Variants in NTRK2 observed in about 807,000 individuals in gnomAD.
NTRK2 encodes the protein BDNF/NT-3 growth factors receptor.
NTRK2 carries 13 observed loss-of-function variants against 94.5 expected under a neutral mutation model. That is an observed-to-expected ratio of 0.14 (90% CI 0.09 to 0.22). The LOEUF (loss-of-function observed/expected upper bound fraction) is 0.22. NTRK2 is among the 10% of genes least tolerant of loss of function. The pLI, the probability that NTRK2 is intolerant of heterozygous loss-of-function variation, is 1.00. For synonymous variants in NTRK2, 372 were observed against 407.4 expected (o/e 0.91, Z 1.05); for missense variants, 639 against 1,071.2 (o/e 0.60, Z 5.63).
Position 84,878,041 on chromosome 9 carries a change from C to T in NTRK2, c.1633+10610C>T, listed in dbSNP as rs528736884. 14 of 674,026 alleles carry T rather than the reference C, an allele frequency of 2.1e-5. No individual in the cohort carries two copies. The South Asian group carries it at 2.7e-4, about 13-fold the overall frequency. The allele number at this position is 674,026 out of a possible 1,614,324, so 41.8% of individuals were successfully genotyped here. Reference sequence around the variant, plus strand: ...CGCATTGGTTCCCCAGTTGCCCCCACATAGCCTCTCTGGGTTTTCTCGAAG... The same window carrying T: ...CGCATTGGTTCCCCAGTTGCCCCCATATAGCCTCTCTGGGTTTTCTCGAAG... On this transcript the variant is annotated intron_variant, in intron 14 of 18. Transcript: ENST00000277120.
rs894313823 is a variant in NTRK2, at chr9:85,026,014, A to G, written c.*4577A>G. ...TGCTGCTCAAGTCAAAGGTTCTTGA[A>G]TATCCTTAGTTTTTGCATTTCCCCT... On this transcript the variant is annotated 3_prime_UTR_variant, in exon 19 of 19. Coordinates refer to ENST00000277120, the MANE Select transcript of NTRK2 (RefSeq NM_006180.6). 7 of 231,772 alleles carry G rather than the reference A, an allele frequency of 3.0e-5. No homozygotes were observed. The highest frequency in any genetic ancestry group is 5.6e-5 in the Admixed American group (1 of 17,734). 14.4% of individuals were successfully genotyped at this position (231,772 alleles called of 1,614,324 possible).
chr9:84,761,096 C>T (rs1409750189), intron 12 of NTRK2, among the ~76,000 whole-genome samples: 1 of 152,200 alleles, frequency 6.6e-6, no homozygotes, highest in African/African-American at 2.4e-5. Flanking sequence ...AAAGCAGAAA[C>T]ACATTGGCCT....
chr9:84,767,776 C>G (rs1479214254), intron 12 of NTRK2, among the ~76,000 whole-genome samples: 3 of 152,216 alleles, frequency 2.0e-5, no homozygotes, highest in Non-Finnish European at 4.4e-5. Context: ...TGTCTTCTAC[C>G]TCTTTTCCCC....
At chr9:84,704,225 C>CT (rs773413015) in intron 4 of NTRK2, among the ~76,000 whole-genome samples, 46,977 of 93,866 alleles carry the variant, frequency 0.5, 13,920 homozygotes, top group East Asian at 0.62. Flanking sequence ...TGGTGGTATT[C>CT]TTTTTTTTTT....
At chr9:84,940,093 G>A (rs1404192197) in intron 15 of NTRK2, among the ~76,000 whole-genome samples, 1 of 152,074 alleles carries the variant, frequency 6.6e-6, no homozygotes, top group African/African-American at 2.4e-5. Flanking sequence ...TCCAGGCCTG[G>A]GTCACATACT....
chr9:84,911,372 T>G (rs971144361), intron 14 of NTRK2, among the ~76,000 whole-genome samples: 5 of 152,144 alleles, frequency 3.3e-5, no homozygotes, highest in Non-Finnish European at 5.9e-5. Flanking sequence ...TTTTTAAATG[T>G]TTGGTAGAAT....
chr9:84,948,512 C>T lies in NTRK2; in HGVS notation c.1815C>T (p.Ala605=), dbSNP rs199934042. The T allele has an allele frequency of 1.3e-5, 21 of 1,614,102 alleles. No individual in the cohort carries two copies. Among genetic ancestry groups the T allele is most frequent in the Admixed American group, 1.7e-5 (1 of 60,008 alleles). Residue 605 remains alanine (A), a synonymous_variant, in exon 16 of 19, where the codon GCC becomes GCT. Coordinates refer to ENST00000277120, the MANE Select transcript of NTRK2 (RefSeq NM_006180.6). ...CACGCAAGGACTTCCACCGTGAGGC[C>T]GAGCTCCTGACCAACCTCCAGCATG... ...DNARKDFHRE[A]ELLTNLQHEH... is the part of the protein sequence containing the mutation.
At chr9:84,786,209 G>A (rs1039865630) in intron 12 of NTRK2, among the ~76,000 whole-genome samples, 1 of 152,136 alleles carries the variant, frequency 6.6e-6, no homozygotes, top group Admixed American at 6.5e-5. Context: ...GTGTTCCTTA[G>A]AATAACCATC....
Position 84,670,717 on chromosome 9 carries a change from A to C in NTRK2, c.-32A>C. ...GGAAAGCGGCCGGTGCAGCGCGGGG[A>C]CAGGCACTCGGGCTGGCACTGGCTG... On this transcript the variant is annotated 5_prime_UTR_variant, in exon 2 of 19. Transcript: ENST00000277120. 1.2e-6 allele frequency: 2 copies of C among 1,605,218 alleles called. No individual in the cohort carries two copies. Among genetic ancestry groups the C allele is most frequent in the Non-Finnish European group, 1.7e-6 (2 of 1,176,170 alleles).
chr9:84,904,859 A>C (rs766543516), intron 14 of NTRK2, among the ~76,000 whole-genome samples: 1 of 152,260 alleles, frequency 6.6e-6, no homozygotes, highest in African/African-American at 2.4e-5. Context: ...ATAGAACAGA[A>C]AACATCTCCA....
At chr9:84,674,034 C>T (rs375196015) in intron 2 of NTRK2, among the ~76,000 whole-genome samples, 8 of 152,194 alleles carry the variant, frequency 5.3e-5, no homozygotes, top group African/African-American at 1.9e-4. Context: ...TATTAAGTGC[C>T]AAAGTGCATT....
chr9:84,685,969 C>A (rs1311197732), intron 2 of NTRK2, among the ~76,000 whole-genome samples: 1 of 152,196 alleles, frequency 6.6e-6, no homozygotes, highest in Non-Finnish European at 1.5e-5. Context: ...AGCACAATAT[C>A]CTAGTTCTCT....
intron 14 of NTRK2, among the ~76,000 whole-genome samples, chr9:84,903,234 C>G (rs1013658919): frequency 6.6e-6 from 1 of 152,174 alleles, no homozygotes; most frequent in East Asian, 1.9e-4. Flanking sequence ...GCTATTGGCT[C>G]TCTTGCAGCT....
intron 17 of NTRK2, among the ~76,000 whole-genome samples, chr9:84,958,754 T>C (rs1460310597): frequency 2.0e-5 from 3 of 152,220 alleles, no homozygotes; most frequent in Non-Finnish European, 2.9e-5. Context: ...GAAATGACAC[T>C]TTATTTTGCC....
chr9:84,725,239 T>C (rs2062361045), intron 8 of NTRK2, among the ~76,000 whole-genome samples: 1 of 152,166 alleles, frequency 6.6e-6, no homozygotes, highest in Admixed American at 6.5e-5. Context: ...TAACACTCAC[T>C]CATAGCACAC....
At chr9:84,704,328 A>T (rs1489212234) in intron 4 of NTRK2, among the ~76,000 whole-genome samples, 1 of 142,664 alleles carries the variant, frequency 7.0e-6, no homozygotes, top group Admixed American at 7.8e-5. Flanking sequence ...TCCTGGGTTC[A>T]TGCCATTCTC....
chr9:84,967,194 C>T (rs1000151212), intron 17 of NTRK2, among the ~76,000 whole-genome samples: 4 of 152,148 alleles, frequency 2.6e-5, no homozygotes, highest in Admixed American at 6.5e-5. Context: ...ACAAGAGAGA[C>T]AGAGCAAGCA....
chr9:84,752,095 G>A lies in NTRK2; in HGVS notation c.1396+10G>A. The A allele has an allele frequency of 6.2e-7, 1 of 1,607,368 alleles. No individual in the cohort carries two copies. The highest frequency in any genetic ancestry group is 8.5e-7 in the Non-Finnish European group (1 of 1,173,982). On this transcript the variant is annotated intron_variant, in intron 12 of 18. Coordinates refer to ENST00000277120, the MANE Select transcript of NTRK2 (RefSeq NM_006180.6). ...AAGTTTGGCATGAAAGGTAAGAAGGGTTGTGTTTATTTAGCTTCTTATGTG... is the reference window on the plus strand; with the variant it reads ...AAGTTTGGCATGAAAGGTAAGAAGGATTGTGTTTATTTAGCTTCTTATGTG...
intron 12 of NTRK2, among the ~76,000 whole-genome samples, chr9:84,781,169 A>G (rs2067527900): frequency 6.6e-6 from 1 of 152,156 alleles, no homozygotes; most frequent in South Asian, 2.1e-4. Context: ...TTATGTGTAC[A>G]AAGTAACTGT....
Sources: gnomAD v4.1 joint callset for allele counts (sites outside exome capture counted in the v4.1 genomes callset) on GRCh38, gnomAD v4.1.1 for gene constraint, MANE v1.5 for transcripts, NCBI Gene and HGNC (gene_info 2026-07-23, HGNC 2026-07-21) for gene names.